Variants in PRDM10 observed in about 807,000 individuals in gnomAD.
The protein encoded by PRDM10 is PR domain zinc finger protein 10.
Under a neutral mutation model 133.1 loss-of-function variants are expected in PRDM10, and 65 were observed. The ratio of observed to expected loss-of-function variants is 0.49; its 90% confidence interval spans 0.40 to 0.60. PRDM10 has a LOEUF of 0.60. Among genes scored for constraint, PRDM10 ranks in the 20% least tolerant of loss-of-function variants. The probability of loss-of-function intolerance (pLI) is 0.00; values close to 1 mark genes in which losing one functional copy is unlikely to be tolerated. For missense variants in PRDM10, 1,137 were observed against 1,507.1 expected (o/e 0.75, Z 4.07); for synonymous variants, 582 against 580.4 (o/e 1.00, Z -0.04).
chr11:129,904,046 G>A (rs1378150094), intron 20 of PRDM10, among the ~76,000 whole-genome samples: 3 of 149,084 alleles, frequency 2.0e-5, no homozygotes, highest in South Asian at 2.1e-4. Context: ...TTTTACATTC[G>A]TTACTGTTTT....
chr11:129,981,738 A>G (rs1396210671), intron 1 of PRDM10, among the ~76,000 whole-genome samples: 1 of 151,834 alleles, frequency 6.6e-6, no homozygotes, highest in Non-Finnish European at 1.5e-5. Context: ...TCTACTAAAA[A>G]TACAAAAATT....
At position 129,902,151 on chromosome 11, in the gene PRDM10, C is replaced by T; in HGVS notation, c.*162G>A. 9.2e-6 allele frequency: 9 copies of T among 976,634 alleles called. No individual in the cohort carries two copies. In the South Asian group the frequency reaches 1.5e-4, roughly 17 times the overall value. 60.5% of individuals were successfully genotyped at this position (976,634 alleles called of 1,614,324 possible). The stretch of plus-strand genomic sequence containing the variant: ...TGAAGAGTCAATTTGATAAAGATGA[C>T]CTTGGCAAAATAAACCCCAGTGTAT... On this transcript the variant is annotated 3_prime_UTR_variant, in exon 21 of 21. Coordinates refer to ENST00000360871, the MANE Select transcript of PRDM10 (RefSeq NM_199437.2).
intron 17 of PRDM10, among the ~76,000 whole-genome samples, chr11:129,913,150 G>A (rs541935829): frequency 7.3e-4 from 110 of 150,436 alleles, no homozygotes; most frequent in African/African-American, 2.5e-3. Context: ...CCTGGGAGGC[G>A]GAGGTTGCAG....
intron 17 of PRDM10, among the ~76,000 whole-genome samples, chr11:129,912,759 A>G (rs1950229633): frequency 6.7e-6 from 1 of 148,164 alleles, no homozygotes; most frequent in African/African-American, 2.5e-5. Context: ...CTCGAAAAAA[A>G]AAAAAAAATT....
chr11:129,931,110 T>A lies in PRDM10; in HGVS notation c.1436A>T (p.His479Leu). ...QSSLEHEPETHTLHLQPQHEE... is the reference protein window; with the variant it reads ...QSSLEHEPETLTLHLQPQHEE... ...ATGCTGCGGCTGCAGGTGCAGGGTG[T>A]GAGTTTCTGGTTCATGTTCCAGGGA... Residue 479 changes from histidine to leucine, a missense_variant, in exon 11 of 21, where the codon CAC becomes CTC. Transcript: ENST00000360871. The A allele has an allele frequency of 1.2e-6, 2 of 1,614,062 alleles. No homozygotes were observed. Among genetic ancestry groups the A allele is most frequent in the South Asian group, 1.1e-5 (1 of 91,072 alleles).
Position 129,961,054 on chromosome 11 carries a change from A to G in PRDM10, c.-90T>C. 8.7e-7 allele frequency: 1 copy of G among 1,148,738 alleles called. No homozygotes were observed. The highest frequency in any genetic ancestry group is 1.3e-6 in the Non-Finnish European group (1 of 784,020). 71.2% of individuals were successfully genotyped at this position (1,148,738 alleles called of 1,614,324 possible). A position where few individuals can be genotyped will look rare whatever the true frequency, so the allele number is the denominator to read the frequency against. ...TCTGTCTACCACACGTGTGTTCATG[A>G]AGGACGGAAAGGTCTGTCTGCAGCA... On this transcript the variant is annotated 5_prime_UTR_variant, in exon 2 of 21. Coordinates refer to ENST00000360871, the MANE Select transcript of PRDM10 (RefSeq NM_199437.2).
At chr11:129,974,200 C>A (rs375328599) in intron 1 of PRDM10, among the ~76,000 whole-genome samples, 29 of 152,218 alleles carry the variant, frequency 1.9e-4, no homozygotes, top group African/African-American at 7.0e-4. Flanking sequence ...AGAACAGAGG[C>A]TAGACTATGG....
rs1238947910 is a variant in PRDM10 at position 129,947,813 on chromosome 11, A to G, written c.295-443T>C. ...CCAAGACTTCAAATAGGTAAGCAAC[A>G]GACCGTTTCGATGTGTGCACATGTG... is the stretch of plus-strand genomic sequence containing the variant. On this transcript the variant is annotated intron_variant, in intron 4 of 20. Transcript: ENST00000360871. The surrounding 1 kb of genome is among the most constrained non-coding windows in gnomAD (Gnocchi z 4.6). Among the ~76,000 whole-genome samples the G allele has an allele frequency of 1.3e-5, 2 of 152,196 alleles. No homozygotes were observed. The highest frequency in any genetic ancestry group is 2.9e-5 in the Non-Finnish European group (2 of 68,044).
chr11:129,942,389 G>T, intron 7 of PRDM10, 37 bp downstream of exon 7: 1 of 1,577,102 alleles, frequency 6.3e-7, no homozygotes. Flanking sequence ...AATCACTCTT[G>T]CTAGCAAATA....
At chr11:129,976,865 T>G (rs548459084) in intron 1 of PRDM10, among the ~76,000 whole-genome samples, 1 of 144,980 alleles carries the variant, frequency 6.9e-6, no homozygotes, top group African/African-American at 2.7e-5. Flanking sequence ...CCATATGAGA[T>G]GGGGAAGCCC....
At chr11:129,919,942 G>A (rs909786946) in intron 13 of PRDM10, among the ~76,000 whole-genome samples, 2 of 152,130 alleles carry the variant, frequency 1.3e-5, no homozygotes, top group African/African-American at 4.8e-5. Context: ...TTCATTTCTG[G>A]AAAGCCCAGG....
At chr11:129,929,070 A>G (rs768291111) in intron 11 of PRDM10, among the ~76,000 whole-genome samples, 3 of 152,180 alleles carry the variant, frequency 2.0e-5, no homozygotes, top group Non-Finnish European at 4.4e-5. Flanking sequence ...TCCTACTTAG[A>G]CTGCAAGCTC....
chr11:129,930,676 T>TA (rs1205899285), intron 11 of PRDM10, among the ~76,000 whole-genome samples: 1 of 152,216 alleles, frequency 6.6e-6, no homozygotes, highest in East Asian at 1.9e-4. Flanking sequence ...TAGCCTGGTT[T>TA]AAAATATAAA....
At chr11:130,001,196 A>T (rs75107625) in intron 1 of PRDM10, among the ~76,000 whole-genome samples, 1 of 151,788 alleles carries the variant, frequency 6.6e-6, no homozygotes, top group African/African-American at 2.4e-5. Context: ...CCTAATTTTA[A>T]AAAAAAATCT....
rs1353332575 is a variant in PRDM10, at chr11:129,935,118, T to C, written c.1140A>G (p.Lys380=). ...LQQHLNSHDE[K]LDVFSRTRGR... ...ATACATACCTGCTAAACACATCTAG[T>C]TTCTCATCATGAGAATTGAGATGCT... Residue 380 remains lysine (K), a synonymous_variant, in exon 9 of 21, where the codon AAA becomes AAG. Transcript: ENST00000360871. 1.9e-6 allele frequency: 3 copies of C among 1,613,612 alleles called. No individual in the cohort carries two copies. Among genetic ancestry groups the C allele is most frequent in the Non-Finnish European group, 2.5e-6 (3 of 1,179,498 alleles).
At chr11:129,905,476 C>T (rs1289839844) in intron 20 of PRDM10, among the ~76,000 whole-genome samples, 162 bp downstream of exon 20, 7 of 151,714 alleles carry the variant, frequency 4.6e-5, no homozygotes, top group Admixed American at 2.6e-4. Flanking sequence ...GGACAGGGCA[C>T]TGAGGATAAA....
chr11:129,999,292 T>TC (rs2136013481), intron 1 of PRDM10, among the ~76,000 whole-genome samples: 1 of 152,270 alleles, frequency 6.6e-6, no homozygotes, highest in African/African-American at 2.4e-5. Flanking sequence ...CCTCTACCTA[T>TC]CCCCCAGGAG....
At chr11:129,931,371 T>C in intron 10 of PRDM10, 113 bp from the exon 11 acceptor site, 1 of 1,388,646 alleles carries the variant, frequency 7.2e-7, no homozygotes. Context: ...AGAAAAAATA[T>C]TCTCCCTCTG....
intron 2 of PRDM10, among the ~76,000 whole-genome samples, chr11:129,960,328 C>A (rs560404261): frequency 6.6e-6 from 1 of 152,216 alleles, no homozygotes; most frequent in South Asian, 2.1e-4. Flanking sequence ...ACCAAAAATG[C>A]AGAGATTTGC....
Sources: allele counts gnomAD v4.1 joint callset (sites outside exome capture counted in the v4.1 genomes callset), GRCh38; gene constraint gnomAD v4.1.1; non-coding constraint Gnocchi (gnomAD v3.1); transcripts MANE v1.5; gene names NCBI Gene and HGNC (gene_info 2026-07-23, HGNC 2026-07-21).